Variants in FKBP15 observed in about 807,000 individuals in gnomAD.
The protein encoded by FKBP15 is FKBP prolyl isomerase family member 15.
In FKBP15, 106 loss-of-function variants were observed where a neutral mutation model predicts 158.1. That is an observed-to-expected ratio of 0.67 (90% CI 0.57 to 0.79). The LOEUF (loss-of-function observed/expected upper bound fraction) is 0.79, where lower values mean the gene tolerates loss of function less well. FKBP15 is among the 30% of genes least tolerant of loss of function. FKBP15 has a pLI of 0.00. For synonymous variants in FKBP15, 547 were observed against 548.6 expected, an observed-to-expected ratio of 1.00 and a Z score of 0.04; for missense variants, 1,287 against 1,479.1, an observed-to-expected ratio of 0.87 and a Z score of 2.13.
intron 1 of FKBP15, among the ~76,000 whole-genome samples, chr9:113,220,468 A>G (rs1831228234): frequency 1.3e-5 from 2 of 152,174 alleles, no homozygotes; most frequent in African/African-American, 4.8e-5. Flanking sequence ...ATGCTTGGGG[A>G]AACTGGAGAA....
intron 21 of FKBP15, 24 bp downstream of exon 21, chr9:113,176,513 G>A (rs1278878794): frequency 6.5e-7 from 1 of 1,548,090 alleles, no homozygotes; most frequent in Non-Finnish European, 8.7e-7. Flanking sequence ...AGCTAATTCT[G>A]GCCAACTGGG....
chr9:113,170,641 T>C lies in FKBP15; in HGVS notation c.2659-12A>G, dbSNP rs143629697. 3.5e-3 allele frequency: 5,577 copies of C among 1,581,036 alleles called. 24 individuals carry two copies. Among genetic ancestry groups the C allele is most frequent in the Middle Eastern group, 6.7e-3 (40 of 6,004 alleles). On this transcript the variant is annotated splice_polypyrimidine_tract_variant and intron_variant, in intron 24 of 27. Transcript: ENST00000238256. Reference sequence around the variant, plus strand: ...ATGATCTTCTTGACCTGTGTGAACATCAAAACACATGCTGTCAAAATCAAG... The same window carrying C: ...ATGATCTTCTTGACCTGTGTGAACACCAAAACACATGCTGTCAAAATCAAG...
At chr9:113,206,776 A>G (rs5015972) in intron 3 of FKBP15, among the ~76,000 whole-genome samples, 198 bp from the exon 4 acceptor site, 34,234 of 142,446 alleles carry the variant, frequency 0.24, 4,671 homozygotes, top group African/African-American at 0.38. Flanking sequence ...GAGTGCAGTG[A>G]CATGATCTTG....
chr9:113,176,303 TGA>T (rs897582641), intron 21 of FKBP15, among the ~76,000 whole-genome samples: 1 of 152,194 alleles, frequency 6.6e-6, no homozygotes, highest in Non-Finnish European at 1.5e-5. Context: ...TGTATGTGTG[TGA>T]GAGTGTGAAT....
At position 113,201,922 on chromosome 9, in the gene FKBP15, A is replaced by G. The variant is rs1223313534; in HGVS notation, c.498+609T>C. On this transcript the variant is annotated intron_variant, in intron 6 of 27. Coordinates refer to ENST00000238256, the MANE Select transcript of FKBP15 (RefSeq NM_015258.2). Reference sequence around the variant, plus strand: ...TCTACTTATGTATATTATGCATAGAAAAAAGGAAATATGTTAATAGTGGTT... The same window carrying G: ...TCTACTTATGTATATTATGCATAGAGAAAAGGAAATATGTTAATAGTGGTT... Among the ~76,000 whole-genome samples, 2 of 152,246 alleles carry G rather than the reference A, an allele frequency of 1.3e-5. 1 individual carries two copies. The highest frequency in any genetic ancestry group is 4.8e-5 in the African/African-American group (2 of 41,458).
chr9:113,169,062 G>GC (rs1318033842), intron 26 of FKBP15, among the ~76,000 whole-genome samples, 162 bp downstream of exon 26: 1 of 103,532 alleles, frequency 9.7e-6, no homozygotes, highest in Non-Finnish European at 2.2e-5. Flanking sequence ...GCCCGCCACA[G>GC]AGCCTTGTAC....
At chr9:113,171,328 C>T (rs976655315) in intron 24 of FKBP15, among the ~76,000 whole-genome samples, 3 of 152,176 alleles carry the variant, frequency 2.0e-5, no homozygotes, top group Non-Finnish European at 2.9e-5. Context: ...CAGGCGGCTG[C>T]GGCAGGAGAA....
In FKBP15 at chr9:113,203,023, G is replaced by T; in HGVS notation, c.337C>A (p.Leu113Ile). Residue 113 changes from leucine (L) to isoleucine (I), a missense_variant, in exon 5 of 28, where the codon CTT (leucine) becomes ATT (isoleucine). Physicochemically the swap from Leu to Ile is conservative, Grantham distance 5 (BLOSUM62 2). Coordinates refer to ENST00000238256, the MANE Select transcript of FKBP15 (RefSeq NM_015258.2). Reference protein sequence around the residue: ...NHTAREYRILLYISQQQPVTV... With the variant: ...NHTAREYRILIYISQQQPVTV... ...ACTGGCTGTTGTTGACTGATATAAA[G>T]AAGAATCCTATACTGTAGACAAGCA... 1.2e-6 allele frequency: 2 copies of T among 1,608,878 alleles called. No homozygotes were observed. The highest frequency in any genetic ancestry group is 1.7e-6 in the Non-Finnish European group (2 of 1,177,536).
rs1294001865 is a variant in FKBP15 at position 113,188,460 on chromosome 9, G to A, written c.1205C>T (p.Pro402Leu). The A allele has an allele frequency of 3.1e-6, 5 of 1,613,796 alleles. No individual in the cohort carries two copies. The highest frequency in any genetic ancestry group is 4.2e-6 in the Non-Finnish European group (5 of 1,179,866). Residue 402 changes from proline to leucine, a missense_variant, in exon 13 of 28, where the codon CCT becomes CTT. By Grantham distance (98) the Pro-to-Leu change is moderately conservative. Transcript: ENST00000238256. ...GGGCTGGACGGACGGAGTCACCACA[G>A]GCTGCCCACCTCCTTGCAGAGTGTT... ...DVNTLQGGGQ[P>L]VVTPSVQPSL...
chr9:113,162,422 C>G lies in FKBP15; in HGVS notation c.*3656G>C, dbSNP rs1774040120. 4.3e-6 allele frequency: 1 copy of G among 231,620 alleles called. No individual in the cohort carries two copies. The highest frequency in any genetic ancestry group is 8.4e-6 in the Non-Finnish European group (1 of 119,676). The allele number at this position is 231,620 out of a possible 1,614,324, so 14.3% of individuals were successfully genotyped here. On this transcript the variant is annotated 3_prime_UTR_variant, in exon 28 of 28. Coordinates refer to ENST00000238256, the MANE Select transcript of FKBP15 (RefSeq NM_015258.2). Reference sequence around the variant, plus strand: ...GTCATACTGCCTCCCGAAGTAGATTCAGGGGGGAAATATGCCTTACTGATG... The same window carrying G: ...GTCATACTGCCTCCCGAAGTAGATTGAGGGGGGAAATATGCCTTACTGATG...
chr9:113,206,417 A>T, intron 4 of FKBP15, 92 bp downstream of exon 4: 1 of 942,104 alleles, frequency 1.1e-6, no homozygotes, highest in Non-Finnish European at 1.7e-6. Context: ...TTATCTTCTG[A>T]TAAACAAGAC....
At chr9:113,179,993 C>T (rs1268479707) in intron 19 of FKBP15, among the ~76,000 whole-genome samples, 1 of 152,076 alleles carries the variant, frequency 6.6e-6, no homozygotes, top group Non-Finnish European at 1.5e-5. Flanking sequence ...CTAATGAAAA[C>T]AAAACTAACT....
intron 1 of FKBP15, among the ~76,000 whole-genome samples, chr9:113,215,644 A>ATTTTTT (rs1285341545): frequency 7.8e-4 from 48 of 61,582 alleles, no homozygotes; most frequent in Non-Finnish European, 9.3e-4. Flanking sequence ...ATATATATAT[A>ATTTTTT]TTTTTTTTTT....
At chr9:113,170,842 T>G (rs1830195506) in intron 24 of FKBP15, among the ~76,000 whole-genome samples, 1 of 151,848 alleles carries the variant, frequency 6.6e-6, no homozygotes, top group Non-Finnish European at 1.5e-5. Context: ...GTCATGAGAG[T>G]TACCTATCAA....
Position 113,211,472 on chromosome 9 carries a change from C to T in FKBP15, c.169+5G>A. 1 of 1,601,958 alleles carries T rather than the reference C, an allele frequency of 6.2e-7. No homozygotes were observed. Among genetic ancestry groups the T allele is most frequent in the Non-Finnish European group, 8.5e-7 (1 of 1,174,048 alleles). On this transcript the variant is annotated splice_donor_5th_base_variant and intron_variant, in intron 2 of 27. Coordinates refer to ENST00000238256, the MANE Select transcript of FKBP15 (RefSeq NM_015258.2). The stretch of plus-strand genomic sequence containing the variant: ...CCTCGCTCGGCTAATACACTCTTAA[C>T]TTACCTGTTGCTGCCGTTCCCTGGC...
rs187696649 is a variant in FKBP15, at chr9:113,193,908, C to A, written c.1007+119G>T. The A allele has an allele frequency of 2.4e-4, 294 of 1,217,014 alleles. 4 individuals carry two copies. In the East Asian group the frequency reaches 7.3e-3, roughly 30 times the overall value. 75.4% of individuals were successfully genotyped at this position (1,217,014 alleles called of 1,614,324 possible). Reference sequence around the variant, plus strand: ...CAAGTATCTTCCCCATTTCCCTGATCCCATTTTTTCCAGTTATTTAAAATT... The same window carrying A: ...CAAGTATCTTCCCCATTTCCCTGATACCATTTTTTCCAGTTATTTAAAATT... On this transcript the variant is annotated intron_variant, in intron 10 of 27. Coordinates refer to ENST00000238256, the MANE Select transcript of FKBP15 (RefSeq NM_015258.2).
rs953488864 is a variant in FKBP15 at position 113,164,424 on chromosome 9, C to T, written c.*1654G>A. ...TGCTATAAGAAAAGTAACTGTCACA[C>T]GGACTTTAAGCACCTGTGTTGGCAC... On this transcript the variant is annotated 3_prime_UTR_variant, in exon 28 of 28. Transcript: ENST00000238256. 5 of 152,250 alleles carry T rather than the reference C, an allele frequency of 3.3e-5. No individual in the cohort carries two copies. Among genetic ancestry groups the T allele is most frequent in the East Asian group, 1.9e-4 (1 of 5,202 alleles). The allele number at this position is 152,250 out of a possible 1,614,324, so 9.4% of individuals were successfully genotyped here. A position where few individuals can be genotyped will look rare whatever the true frequency, so the allele number is the denominator to read the frequency against.
At chr9:113,176,403 A>AT in intron 21 of FKBP15, 134 bp downstream of exon 21, 204 of 1,033,728 alleles carry the variant, frequency 2.0e-4, no homozygotes, top group Middle Eastern at 3.3e-4. Context: ...AGCGGGGAAA[A>AT]TTTTTTTTTA....
At chr9:113,203,677 G>T (rs920697200) in intron 4 of FKBP15, among the ~76,000 whole-genome samples, 1 of 151,854 alleles carries the variant, frequency 6.6e-6, no homozygotes, top group African/African-American at 2.4e-5. Context: ...ACAGGTGCAC[G>T]CCACCACACC....
Sources: allele counts gnomAD v4.1 joint callset (sites outside exome capture counted in the v4.1 genomes callset), GRCh38; gene constraint gnomAD v4.1.1; transcripts MANE v1.5; gene names NCBI Gene and HGNC (gene_info 2026-07-23, HGNC 2026-07-21).